ZKSCAN2: variants seen among roughly 807,000 people sequenced by gnomAD.
ZKSCAN2 encodes zinc finger protein with KRAB and SCAN domains 2.
ZKSCAN2 carries 38 observed loss-of-function variants against 90.5 expected under a neutral mutation model. The observed-to-expected ratio is 0.42, with a 90% CI of 0.32 to 0.55. The LOEUF is 0.55. ZKSCAN2 is among the 20% of genes least tolerant of loss of function. The pLI, the probability that ZKSCAN2 is intolerant of heterozygous loss-of-function variation, is 0.11. For synonymous variants in ZKSCAN2, 429 were observed against 421.6 expected, an observed-to-expected ratio of 1.02 and a Z score of -0.22; for missense variants, 1,167 against 1,202.6, an observed-to-expected ratio of 0.97 and a Z score of 0.44.
At chr16:25,246,094 G>C (rs1313922408) in intron 5 of ZKSCAN2, among the ~76,000 whole-genome samples, 1 of 152,052 alleles carries the variant, frequency 6.6e-6, no homozygotes, top group Non-Finnish European at 1.5e-5. Context: ...TAATTTTAAT[G>C]TCTCTGTATT....
chr16:25,251,742 G>A (rs904697283), intron 4 of ZKSCAN2, among the ~76,000 whole-genome samples, 167 bp downstream of exon 4: 2 of 152,008 alleles, frequency 1.3e-5, no homozygotes, highest in African/African-American at 4.8e-5. Flanking sequence ...TTTTTTTACT[G>A]GAAGGAGGAG....
chr16:25,243,102 T>C (rs753571609), intron 6 of ZKSCAN2, among the ~76,000 whole-genome samples: 1 of 152,250 alleles, frequency 6.6e-6, no homozygotes. Context: ...ATCTTTTTTG[T>C]CTTGCACACC....
In ZKSCAN2 at chr16:25,240,848, G is replaced by T. The variant is rs866192178; in HGVS notation, c.1982-110C>A. 5 of 810,388 alleles carry T rather than the reference G, an allele frequency of 6.2e-6. No homozygotes were observed. The South Asian group carries it at 8.8e-5, about 14-fold the overall frequency. The allele number at this position is 810,388 out of a possible 1,614,324, so 50.2% of individuals were successfully genotyped here. ...CTCTCCATACACTTCTCTAACCTCA[G>T]ATCCTGTGACTCTTCCCTGATTCAT... On this transcript the variant is annotated intron_variant, in intron 6 of 6. Coordinates refer to ENST00000328086, the MANE Select transcript of ZKSCAN2 (RefSeq NM_001012981.5).
chr16:25,247,803 C>T (rs1409502443), intron 4 of ZKSCAN2, among the ~76,000 whole-genome samples: 1 of 152,080 alleles, frequency 6.6e-6, no homozygotes, highest in Non-Finnish European at 1.5e-5. Flanking sequence ...CATATATAGG[C>T]ACTGGGACTA....
Position 25,257,796 on chromosome 16 carries a change from G to C in ZKSCAN2, c.-669C>G, listed in dbSNP as rs1163129178. ...GGCTCGCAGGGGGCAGCGGCAGGCT[G>C]CTCGCGTTCGGCCTCGTCCACTCGG... On this transcript the variant is annotated 5_prime_UTR_variant, in exon 1 of 7. Transcript: ENST00000328086. 2 of 152,292 alleles carry C rather than the reference G, an allele frequency of 1.3e-5. No individual in the cohort carries two copies. Among genetic ancestry groups the C allele is most frequent in the Non-Finnish European group, 1.5e-5 (1 of 68,138 alleles). 9.4% of individuals were successfully genotyped at this position (152,292 alleles called of 1,614,324 possible). A position where few individuals can be genotyped will look rare whatever the true frequency, so the allele number is the denominator to read the frequency against.
Position 25,237,380 on chromosome 16 carries a change from A to C in ZKSCAN2, c.*2436T>G, listed in dbSNP as rs962452719. 1 of 152,156 alleles carries C rather than the reference A, an allele frequency of 6.6e-6. No individual in the cohort carries two copies. The highest frequency in any genetic ancestry group is 1.5e-5 in the Non-Finnish European group (1 of 68,026). 9.4% of individuals were successfully genotyped at this position (152,156 alleles called of 1,614,324 possible). On this transcript the variant is annotated 3_prime_UTR_variant, in exon 7 of 7. Transcript: ENST00000328086. ...TTACAATTAGGAGTAGAGATAGGGG[A>C]ACCCAAATTCCACCTCAGCTTGCTC...
At position 25,256,973 on chromosome 16, in the gene ZKSCAN2, C is replaced by T. The variant is rs1385875203; in HGVS notation, c.155G>A (p.Cys52Tyr). The change falls in exon 1 of 7, where the codon TGT becomes TAT. Residue 52 changes from cysteine (C) to tyrosine (Y), a missense_variant. Transcript: ENST00000328086. ...ATGGGGTCCAGTCACATCCTCATAA[C>T]AGAATTGCCTGAAGCATTTGCGGAA... Reference protein sequence around the residue: ...ETFRKCFRQFCYEDVTGPHEA... With the variant: ...ETFRKCFRQFYYEDVTGPHEA... 4 of 1,614,220 alleles carry T rather than the reference C, an allele frequency of 2.5e-6. No homozygotes were observed. Among genetic ancestry groups the T allele is most frequent in the South Asian group, 1.1e-5 (1 of 91,084 alleles).
At chr16:25,243,516 A>G (rs887970602) in intron 6 of ZKSCAN2, among the ~76,000 whole-genome samples, 2 of 152,106 alleles carry the variant, frequency 1.3e-5, no homozygotes, top group African/African-American at 4.8e-5. Context: ...TTCAGTAGAG[A>G]CAGGGTTTCG....
At chr16:25,252,167 T>C in intron 3 of ZKSCAN2, 132 bp from the exon 4 acceptor site, 2 of 988,772 alleles carry the variant, frequency 2.0e-6, no homozygotes, top group Non-Finnish European at 1.5e-6. Flanking sequence ...TTGCGCCAAA[T>C]GAAGCAGAAG....
chr16:25,255,957 A>C (rs1324324861), intron 1 of ZKSCAN2, among the ~76,000 whole-genome samples: 1 of 152,216 alleles, frequency 6.6e-6, no homozygotes, highest in African/African-American at 2.4e-5. Flanking sequence ...TAGAATAGAT[A>C]TTATTTGACT....
rs1356286944 is a variant in ZKSCAN2, at chr16:25,239,883, G to A, written c.2837C>T (p.Pro946Leu). 1 of 1,614,008 alleles carries A rather than the reference G, an allele frequency of 6.2e-7. No individual in the cohort carries two copies. Among genetic ancestry groups the A allele is most frequent in the Non-Finnish European group, 8.5e-7 (1 of 1,179,968 alleles). Residue 946 changes from proline (P) to leucine (L), a missense_variant, in exon 7 of 7, where the codon CCT becomes CTT. Coordinates refer to ENST00000328086, the MANE Select transcript of ZKSCAN2 (RefSeq NM_001012981.5). ...GTTCTCAGGGCAATACAGAGATGGA[G>A]GGTGTGGCAGAGGCTTTTCTCTCAC... ...VHVREKPLPH[P>L]PSLYCPENPH...
At chr16:25,250,521 T>C (rs944661218) in intron 4 of ZKSCAN2, among the ~76,000 whole-genome samples, 28 of 152,152 alleles carry the variant, frequency 1.8e-4, no homozygotes, top group African/African-American at 6.3e-4. Flanking sequence ...AGTTATAAGA[T>C]TAAAAAATTC....
At position 25,246,802 on chromosome 16, in the gene ZKSCAN2, T is replaced by A. The variant is rs1312656118; in HGVS notation, c.1394A>T (p.Glu465Val). 11 of 1,614,152 alleles carry A rather than the reference T, an allele frequency of 6.8e-6. No individual in the cohort carries two copies. In the South Asian group the frequency reaches 1.2e-4, roughly 18 times the overall value. ...ATCATCATCAGAATCTTCTGCAGCT[T>A]CCTCCTCCTCCACCAAGCTGATGTG... The part of the protein sequence containing the change: ...KEHISLVEEE[E>V]AAEDSDDDEI... The change falls in exon 5 of 7, where the codon GAA becomes GTA. Residue 465 changes from glutamate to valine, a missense_variant. Physicochemically the swap from Glu to Val is moderately radical, Grantham distance 121. Coordinates refer to ENST00000328086, the MANE Select transcript of ZKSCAN2 (RefSeq NM_001012981.5).
At position 25,244,224 on chromosome 16, in the gene ZKSCAN2, C is replaced by T; in HGVS notation, c.1542G>A (p.Glu514=). ...ETKTFLDILR[E]TRFYEALQAC... The stretch of plus-strand genomic sequence containing the variant: ...CTTGAAGCGCTTCATAAAACCGAGT[C>T]TCACGGAGGATATCAAGAAAAGTCT... Residue 514 remains glutamate, a synonymous_variant, in exon 6 of 7, where the codon GAG becomes GAA. Transcript: ENST00000328086. 1 of 1,614,138 alleles carries T rather than the reference C, an allele frequency of 6.2e-7. No individual in the cohort carries two copies.
At chr16:25,249,648 C>T (rs1962988989) in intron 4 of ZKSCAN2, among the ~76,000 whole-genome samples, 1 of 152,036 alleles carries the variant, frequency 6.6e-6, no homozygotes, top group African/African-American at 2.4e-5. Context: ...CAAAACATCA[C>T]ATTGTACCCC....
At chr16:25,254,794 CTTT>C (rs1179877943) in intron 2 of ZKSCAN2, among the ~76,000 whole-genome samples, 11 of 132,510 alleles carry the variant, frequency 8.3e-5, no homozygotes, top group Non-Finnish European at 4.9e-5. Context: ...CAGTTTGGAT[CTTT>C]TTTTTTTTTT....
At position 25,247,434 on chromosome 16, in the gene ZKSCAN2, T is replaced by C. The variant is rs1962951587; in HGVS notation, c.806-44A>G. 5 of 1,519,080 alleles carry C rather than the reference T, an allele frequency of 3.3e-6. No individual in the cohort carries two copies. In the East Asian group the frequency reaches 1.1e-4, roughly 34 times the overall value. The allele number at this position is 1,519,080 out of a possible 1,614,324, so 94.1% of individuals were successfully genotyped here. On this transcript the variant is annotated intron_variant, in intron 4 of 6. Transcript: ENST00000328086. ...ATTTCATGGTAGACATAGAAGTCAT[T>C]ACTGCATGCCTCAATCTTCTGCTGT...
chr16:25,256,888 G>C lies in ZKSCAN2; in HGVS notation c.240C>G (p.Ser80=), dbSNP rs750848654. Reference sequence around the variant, plus strand: ...CCAGCAGCTCAAGTATTTGCTCCTTGGAACGCATTTCTGGCTTCAGCCACC... The same window carrying C: ...CCAGCAGCTCAAGTATTTGCTCCTTCGAACGCATTTCTGGCTTCAGCCACC... ...CCRWLKPEMR[S]KEQILELLVI... Residue 80 remains serine (S), a synonymous_variant, in exon 1 of 7, where the codon TCC becomes TCG. Coordinates refer to ENST00000328086, the MANE Select transcript of ZKSCAN2 (RefSeq NM_001012981.5). The C allele has an allele frequency of 6.2e-7, 1 of 1,614,194 alleles. No individual in the cohort carries two copies. The highest frequency in any genetic ancestry group is 8.5e-7 in the Non-Finnish European group (1 of 1,180,038).
rs373224540 is a variant in ZKSCAN2, at chr16:25,255,401, T to C, written c.400-9A>G. On this transcript the variant is annotated splice_polypyrimidine_tract_variant and intron_variant, in intron 1 of 6. Transcript: ENST00000328086. ...TGCACGGGACTGCTGACCTGAGAAA[T>C]GAAGTCAATACCATAAGAGGGAGTA... 3.7e-6 allele frequency: 6 copies of C among 1,607,516 alleles called. No homozygotes were observed. Among genetic ancestry groups the C allele is most frequent in the African/African-American group, 1.3e-5 (1 of 74,638 alleles).
Sources: allele counts gnomAD v4.1 joint callset (sites outside exome capture counted in the v4.1 genomes callset), GRCh38; gene constraint gnomAD v4.1.1; transcripts MANE v1.5; gene names NCBI Gene and HGNC (gene_info 2026-07-23, HGNC 2026-07-21).